Variants in DESI1 observed in about 807,000 individuals in gnomAD.
The protein encoded by DESI1 is PPPDE peptidase domain containing 2.
In DESI1, 17 loss-of-function variants were observed where a neutral mutation model predicts 22.4. The observed-to-expected ratio is 0.76, with a 90% CI of 0.52 to 1.14. The LOEUF is 1.14. Ranked by LOEUF, DESI1 falls within the 50% of genes most tolerant of loss-of-function variation. DESI1 has a pLI of 0.00. For missense variants in DESI1, 177 were observed against 208.9 expected (o/e 0.85, Z 0.94); for synonymous variants, 92 against 84.2 (o/e 1.09, Z -0.51).
At chr22:41,602,126 C>T in intron 5 of DESI1, 1 of 765,664 alleles carries the variant, frequency 1.3e-6, no homozygotes, top group Non-Finnish European at 1.6e-6. Context: ...AATAAGGTTG[C>T]CCAGAAACTT....
At chr22:41,607,119 T>C in intron 3 of DESI1, 143 bp downstream of exon 3, 3 of 654,318 alleles carry the variant, frequency 4.6e-6, no homozygotes, top group Non-Finnish European at 7.2e-6. Flanking sequence ...GGCTGGGGTG[T>C]CTGGGAAAGG....
intron 1 of DESI1, among the ~76,000 whole-genome samples, chr22:41,615,272 TAA>T (rs58574960): frequency 0.076 from 8,230 of 108,616 alleles, 605 homozygotes; most frequent in African/African-American, 0.21. Context: ...TACTAAAAAT[TAA>T]AAAAAAAAAA....
chr22:41,601,105 G>A lies in DESI1; in HGVS notation c.499C>T (p.Gln167Ter). ...GGTCCCAGGCAGTCCTGTTAGCTCT[G>A]GCCGTTGGGTCTGCCCACGGAGCTC... ...GGSSVGRPNG[Q>*]S Residue 167 changes from glutamine (Q) to a stop codon, truncating the protein, a stop_gained, in exon 6 of 6, where the codon CAG becomes TAG. Transcript: ENST00000263256. LOFTEE classifies it high-confidence loss of function. The A allele has an allele frequency of 6.2e-7, 1 of 1,613,168 alleles. No individual in the cohort carries two copies. The highest frequency in any genetic ancestry group is 8.5e-7 in the Non-Finnish European group (1 of 1,179,674).
chr22:41,606,263 G>A (rs1211384118), intron 3 of DESI1, among the ~76,000 whole-genome samples: 2 of 151,984 alleles, frequency 1.3e-5, no homozygotes, highest in Non-Finnish European at 2.9e-5. Context: ...GGCTCAAGTG[G>A]GAGGATTCAT....
rs1344007490 is a variant in DESI1 at position 41,599,493 on chromosome 22, A to C, written c.*1604T>G. On this transcript the variant is annotated 3_prime_UTR_variant, in exon 6 of 6. Transcript: ENST00000263256. ...TGGAAATAACGTGTGCCTTCAAAACACATTTAGGATAAGGGAAAGTCCCTA... is the reference window on the plus strand; with the variant it reads ...TGGAAATAACGTGTGCCTTCAAAACCCATTTAGGATAAGGGAAAGTCCCTA... The C allele has an allele frequency of 3.3e-5, 5 of 152,146 alleles. No individual in the cohort carries two copies. In the East Asian group the frequency reaches 9.6e-4, roughly 29 times the overall value. 9.4% of individuals were successfully genotyped at this position (152,146 alleles called of 1,614,324 possible). A position where few individuals can be genotyped will look rare whatever the true frequency, so the allele number is the denominator to read the frequency against.
intron 1 of DESI1, among the ~76,000 whole-genome samples, chr22:41,610,480 T>A (rs1459074416): frequency 6.6e-6 from 1 of 152,228 alleles, no homozygotes; most frequent in Admixed American, 6.5e-5. Context: ...CTATTTTACA[T>A]GTAAAATTCC....
chr22:41,607,784 A>C (rs1307229476), intron 2 of DESI1, 56 bp downstream of exon 2: 1 of 1,603,004 alleles, frequency 6.2e-7, no homozygotes, highest in Non-Finnish European at 8.5e-7. Context: ...CCTGAAATGC[A>C]TAGAGTGCTG....
chr22:41,614,895 CTTCTTT>C (rs1232339317), intron 1 of DESI1, among the ~76,000 whole-genome samples: 1 of 136,838 alleles, frequency 7.3e-6, no homozygotes, highest in African/African-American at 2.9e-5. Flanking sequence ...TTGTTTTCTT[CTTCTTT>C]TTTTTTTTTT....
chr22:41,620,790 G>C lies in DESI1; in HGVS notation c.50C>G (p.Ser17Cys). The C allele has an allele frequency of 6.2e-7, 1 of 1,612,874 alleles. No homozygotes were observed. The highest frequency in any genetic ancestry group is 8.5e-7 in the Non-Finnish European group (1 of 1,179,454). ...GCTGAGCCGCCGGGCCAGGCCTTTG[G>C]ACAGGTCGTACACGTAGAGCTTCAC... The part of the protein sequence containing the change: ...YPVKLYVYDL[S>C]KGLARRLSPI... The change falls in exon 1 of 6, where the codon TCC becomes TGC. Residue 17 changes from serine to cysteine, a missense_variant. By Grantham distance (112) the Ser-to-Cys change is moderately radical (BLOSUM62 -1). Transcript: ENST00000263256.
At position 41,598,927 on chromosome 22, in the gene DESI1, A is replaced by C. The variant is rs181079361; in HGVS notation, c.*2170T>G. 4.0e-4 allele frequency: 61 copies of C among 152,362 alleles called. No homozygotes were observed. Among genetic ancestry groups the C allele is most frequent in the African/African-American group, 1.3e-3 (53 of 41,580 alleles). 9.4% of individuals were successfully genotyped at this position (152,362 alleles called of 1,614,324 possible). ...TCTATTATTTCCATGCACACTGGCA[A>C]ATCAGTGGGTCTTGAGAAGAATTAA... On this transcript the variant is annotated 3_prime_UTR_variant, in exon 6 of 6. Transcript: ENST00000263256.
At chr22:41,612,483 C>T (rs893091245) in intron 1 of DESI1, among the ~76,000 whole-genome samples, 2 of 138,004 alleles carry the variant, frequency 1.4e-5, no homozygotes, top group Non-Finnish European at 3.1e-5. Flanking sequence ...CCAGCCTGGG[C>T]GACAAGAACA....
At chr22:41,609,098 A>C (rs2067500795) in intron 1 of DESI1, among the ~76,000 whole-genome samples, 1 of 151,818 alleles carries the variant, frequency 6.6e-6, no homozygotes, top group African/African-American at 2.4e-5. Flanking sequence ...TGCACCACCA[A>C]GCCCGGCTGA....
In DESI1 at chr22:41,603,303, C is replaced by T. The variant is rs777674503; in HGVS notation, c.369G>A (p.Lys123=). 2 of 1,614,256 alleles carry T rather than the reference C, an allele frequency of 1.2e-6. No individual in the cohort carries two copies. Among genetic ancestry groups the T allele is most frequent in the Non-Finnish European group, 1.7e-6 (2 of 1,180,050 alleles). Residue 123 remains lysine (K), a synonymous_variant, in exon 5 of 6, where the codon AAG becomes AAA. Transcript: ENST00000263256. ...GCAGGTCTGTGATGTAAGAAGGAAT[C>T]TTCCGCCCAGTCAGGAACTGTGCCA... The part of the protein sequence containing the change: ...NEVAQFLTGR[K]IPSYITDLPS...
At chr22:41,615,700 C>T (rs1569071420) in intron 1 of DESI1, among the ~76,000 whole-genome samples, 1 of 152,186 alleles carries the variant, frequency 6.6e-6, no homozygotes, top group Non-Finnish European at 1.5e-5. Flanking sequence ...AACACCTGCT[C>T]CAACAGGCCA....
rs2067436013 is a variant in DESI1, at chr22:41,599,134, G to C, written c.*1963C>G. On this transcript the variant is annotated 3_prime_UTR_variant, in exon 6 of 6. Coordinates refer to ENST00000263256, the MANE Select transcript of DESI1 (RefSeq NM_015704.3). ...TAGCAGCAGATGGGGCCAGAAATGA[G>C]CAGCAGCTTTTTGGAGAGGAAAGGC... 6.6e-6 allele frequency: 1 copy of C among 152,268 alleles called. No individual in the cohort carries two copies. Among genetic ancestry groups the C allele is most frequent in the Admixed American group, 6.5e-5 (1 of 15,282 alleles). The allele number at this position is 152,268 out of a possible 1,614,324, so 9.4% of individuals were successfully genotyped here. A position where few individuals can be genotyped will look rare whatever the true frequency, so the allele number is the denominator to read the frequency against.
intron 3 of DESI1, among the ~76,000 whole-genome samples, chr22:41,605,366 G>C (rs1030979140): frequency 1.3e-5 from 2 of 152,206 alleles, no homozygotes; most frequent in Admixed American, 6.5e-5. Context: ...GAGAGACTGA[G>C]GTTGAGTGGG....
intron 1 of DESI1, among the ~76,000 whole-genome samples, chr22:41,615,158 G>A (rs940752414): frequency 9.0e-5 from 13 of 144,684 alleles, no homozygotes; most frequent in South Asian, 4.4e-4. Flanking sequence ...GGCCGGGCGC[G>A]GTGGCTCAAG....
At chr22:41,605,293 T>C (rs1430102628) in intron 3 of DESI1, among the ~76,000 whole-genome samples, 1 of 152,074 alleles carries the variant, frequency 6.6e-6, no homozygotes, top group African/African-American at 2.4e-5. Flanking sequence ...AGTTAATGGC[T>C]CCCGAAAGGC....
Position 41,607,870 on chromosome 22 carries a change from A to G in DESI1, c.89-9T>C. ...GCCTTCCAGTTGTTTCCCTGTGGAGAGAAGAAGAGATTTAGCCACTTGGGA... is the reference window on the plus strand; with the variant it reads ...GCCTTCCAGTTGTTTCCCTGTGGAGGGAAGAAGAGATTTAGCCACTTGGGA... On this transcript the variant is annotated splice_polypyrimidine_tract_variant and intron_variant, in intron 1 of 5. Coordinates refer to ENST00000263256, the MANE Select transcript of DESI1 (RefSeq NM_015704.3). The G allele has an allele frequency of 6.2e-7, 1 of 1,614,136 alleles. No homozygotes were observed. The highest frequency in any genetic ancestry group is 1.3e-5 in the African/African-American group (1 of 75,040).
Sources: gnomAD v4.1 joint callset for allele counts (sites outside exome capture counted in the v4.1 genomes callset) on GRCh38, gnomAD v4.1.1 for gene constraint, MANE v1.5 for transcripts, NCBI Gene and HGNC (gene_info 2026-07-23, HGNC 2026-07-21) for gene names.